Variants in TUBB1 observed in about 807,000 individuals in gnomAD.
The protein encoded by TUBB1 is tubulin beta 1 class VI, also known as tubulin beta-1 chain.
A neutral mutation model predicts 22.6 loss-of-function variants in TUBB1; 28 were observed. That is an observed-to-expected ratio of 1.24 (90% CI 0.92 to 1.70). The LOEUF (loss-of-function observed/expected upper bound fraction) is 1.70, where lower values mean the gene tolerates loss of function less well. TUBB1 is among the 40% of genes most tolerant of loss of function. TUBB1 has a pLI of 0.00. For missense variants in TUBB1, 577 were observed against 605.5 expected, an observed-to-expected ratio of 0.95 and a Z score of 0.49; for synonymous variants, 226 against 238.0, an observed-to-expected ratio of 0.95 and a Z score of 0.46.
chr20:59,021,057 G>GCGTTTTAAAC (rs1450412081), intron 1 of TUBB1, among the ~76,000 whole-genome samples: 1 of 152,186 alleles, frequency 6.6e-6, no homozygotes, highest in African/African-American at 2.4e-5. Flanking sequence ...TTAAATGCAG[G>GCGTTTTAAAC]CGTTTTAAAC....
chr20:59,019,400 G>A (rs896149783), upstream of TUBB1: 3 of 1,126,252 alleles, frequency 2.7e-6, no homozygotes, highest in Admixed American at 1.7e-5. Context: ...AGGGTAGCTT[G>A]GTTGGCCAGT....
chr20:59,025,543 TTAC>T lies in TUBB1; in HGVS notation c.*765_*767del, dbSNP rs1302145652. 1 of 152,280 alleles carries T rather than the reference TTAC, an allele frequency of 6.6e-6. No individual in the cohort carries two copies. Among genetic ancestry groups the T allele is most frequent in the Non-Finnish European group, 1.5e-5 (1 of 68,058 alleles). The allele number at this position is 152,280 out of a possible 1,614,324, so 9.4% of individuals were successfully genotyped here. A position where few individuals can be genotyped will look rare whatever the true frequency, so the allele number is the denominator to read the frequency against. The stretch of plus-strand genomic sequence containing the variant: ...TATATGTTTATATAGTTTAAATTTC[TTAC>T]TACTGTTAGATCCCAGGAATTCATT... On this transcript the variant is annotated 3_prime_UTR_variant, in exon 4 of 4. Transcript: ENST00000217133.
At chr20:59,021,111 T>A (rs1478323316) in intron 1 of TUBB1, among the ~76,000 whole-genome samples, 4 of 152,238 alleles carry the variant, frequency 2.6e-5, no homozygotes, top group Non-Finnish European at 5.9e-5. Context: ...TCACCATTCC[T>A]CCATGCCTCA....
At position 59,019,514 on chromosome 20, in the gene TUBB1, A is replaced by G; in HGVS notation, c.-9A>G. On this transcript the variant is annotated 5_prime_UTR_variant, in exon 1 of 4. Coordinates refer to ENST00000217133, the MANE Select transcript of TUBB1 (RefSeq NM_030773.4). ...CCGTGAAGATCTCAGACTTGGGCTC[A>G]GAGCAAGGATGCGTGAAATTGTCCA... 1 of 1,614,214 alleles carries G rather than the reference A, an allele frequency of 6.2e-7. No individual in the cohort carries two copies. Among genetic ancestry groups the G allele is most frequent in the South Asian group, 1.1e-5 (1 of 91,086 alleles).
upstream of TUBB1, among the ~76,000 whole-genome samples, chr20:59,018,941 G>C (rs556335819): frequency 6.6e-6 from 1 of 152,240 alleles, no homozygotes; most frequent in Non-Finnish European, 1.5e-5. Flanking sequence ...GAGGGCATGT[G>C]GGGGAGGGCG....
In TUBB1 at chr20:59,024,273, A is replaced by G. The variant is rs2091982655; in HGVS notation, c.846A>G (p.Arg282=). 6.8e-6 allele frequency: 11 copies of G among 1,613,850 alleles called. No homozygotes were observed. Among genetic ancestry groups the G allele is most frequent in the African/African-American group, 1.3e-5 (1 of 74,910 alleles). Residue 282 remains arginine (R), a synonymous_variant, in exon 4 of 4, where the codon CGA becomes CGG. Transcript: ENST00000217133. This position sits in a 1 kb window ranked among gnomAD's most constrained non-coding sequence, Gnocchi z 4.9. ...CGGCCCAGGGCAGCCAGCAGTACCG[A>G]GCCCTCTCCGTGGCCGAGCTCACCC... ...PLTAQGSQQY[R]ALSVAELTQQ...
At position 59,023,961 on chromosome 20, in the gene TUBB1, T is replaced by C. The variant is rs163777; in HGVS notation, c.534T>C (p.Thr178=). Residue 178 remains threonine (T), a synonymous_variant, in exon 4 of 4, where the codon ACT becomes ACC. Transcript: ENST00000217133. ...TGCCTTCTCCCAAGGTGTCGGACAC[T>C]GTGGTGGAGCCCTACAACGCGGTTC... The part of the protein sequence containing the change: ...SVMPSPKVSD[T]VVEPYNAVLS... 3 of 1,614,186 alleles carry C rather than the reference T, an allele frequency of 1.9e-6. No homozygotes were observed. Among genetic ancestry groups the C allele is most frequent in the Non-Finnish European group, 2.5e-6 (3 of 1,180,042 alleles).
At position 59,026,505 on chromosome 20, in the gene TUBB1, G is replaced by T. The variant is rs2091995459; in HGVS notation, c.*1722G>T. The T allele has an allele frequency of 6.6e-6, 1 of 152,172 alleles. No individual in the cohort carries two copies. Among genetic ancestry groups the T allele is most frequent in the South Asian group, 2.1e-4 (1 of 4,828 alleles). 9.4% of individuals were successfully genotyped at this position (152,172 alleles called of 1,614,324 possible). A position where few individuals can be genotyped will look rare whatever the true frequency, so the allele number is the denominator to read the frequency against. On this transcript the variant is annotated 3_prime_UTR_variant, in exon 4 of 4. Coordinates refer to ENST00000217133, the MANE Select transcript of TUBB1 (RefSeq NM_030773.4). ...AATGAAATAGATGTAAGGAAGGAGG[G>T]ATTTAAACCTTTTAAAAAACTTTTG...
chr20:59,018,404 G>A (rs1487937293), upstream of TUBB1, among the ~76,000 whole-genome samples: 2 of 151,968 alleles, frequency 1.3e-5, no homozygotes, highest in African/African-American at 4.8e-5. Flanking sequence ...CACCGCATGA[G>A]GGAATGCTTT....
intron 1 of TUBB1, among the ~76,000 whole-genome samples, chr20:59,022,316 CAA>C (rs10590022): frequency 0.031 from 3,196 of 104,304 alleles, 96 homozygotes; most frequent in African/African-American, 0.096. Context: ...AAGACTCCAT[CAA>C]AAAAAAAAAA....
chr20:59,022,966 G>A lies in TUBB1; in HGVS notation c.166+13G>A, dbSNP rs200672312. 3.7e-6 allele frequency: 6 copies of A among 1,609,930 alleles called. No individual in the cohort carries two copies. In the East Asian group the frequency reaches 1.3e-4, roughly 36 times the overall value. On this transcript the variant is annotated intron_variant, in intron 2 of 3. Coordinates refer to ENST00000217133, the MANE Select transcript of TUBB1 (RefSeq NM_030773.4). ...AACGAAGCCTACGGTAGGACTGGCG[G>A]GGCTCTGGGAGCAGTGGTCCCGCAA...
chr20:59,019,113 T>C, upstream of TUBB1: 1 of 238,846 alleles, frequency 4.2e-6, no homozygotes, highest in Non-Finnish European at 8.4e-6. Context: ...TCTGGTTACC[T>C]GGGTGAGCTA....
At chr20:59,019,677 A>G in intron 1 of TUBB1, 98 bp downstream of exon 1, 6 of 1,267,468 alleles carry the variant, frequency 4.7e-6, no homozygotes, top group East Asian at 2.3e-5. Flanking sequence ...CAATAAGTCT[A>G]GCAGATTTAA....
At position 59,025,845 on chromosome 20, in the gene TUBB1, CACT is replaced by C. The variant is rs1159358067; in HGVS notation, c.*1065_*1067del. 1 of 152,218 alleles carries C rather than the reference CACT, an allele frequency of 6.6e-6. No individual in the cohort carries two copies. Among genetic ancestry groups the C allele is most frequent in the Non-Finnish European group, 1.5e-5 (1 of 68,036 alleles). 9.4% of individuals were successfully genotyped at this position (152,218 alleles called of 1,614,324 possible). ...GTTTGCATAATGACATAGCTTTAAG[CACT>C]ACATGATTTTAATCTGCTCACATTA... On this transcript the variant is annotated 3_prime_UTR_variant, in exon 4 of 4. Transcript: ENST00000217133.
rs2091979597 is a variant in TUBB1, at chr20:59,023,829, G to T, written c.402G>T (p.Gln134His). The stretch of plus-strand genomic sequence containing the variant: ...GCTGTGACTGCCTGCAGGGCTTCCA[G>T]ATCGTCCACTCCCTGGGCGGGGGCA... Reference protein sequence around the residue: ...SESCDCLQGFQIVHSLGGGTG... With the variant: ...SESCDCLQGFHIVHSLGGGTG... Residue 134 changes from glutamine to histidine, a missense_variant, in exon 4 of 4, where the codon CAG (glutamine) becomes CAT (histidine). Physicochemically the swap from Gln to His is conservative, Grantham distance 24 (BLOSUM62 0). Transcript: ENST00000217133. The T allele has an allele frequency of 1.2e-6, 2 of 1,614,060 alleles. No individual in the cohort carries two copies. The highest frequency in any genetic ancestry group is 3.3e-5 in the Admixed American group (2 of 60,006).
At chr20:59,017,045 G>A (rs1394172870), upstream of TUBB1, among the ~76,000 whole-genome samples, 1 of 152,152 alleles carries the variant, frequency 6.6e-6, no homozygotes, top group Admixed American at 6.5e-5. Flanking sequence ...CCCTCTCTCC[G>A]TTTATCACGT....
chr20:59,024,490 G>A lies in TUBB1; in HGVS notation c.1063G>A (p.Asp355Asn), dbSNP rs374190153. The A allele has an allele frequency of 2.9e-5, 47 of 1,614,160 alleles. No individual in the cohort carries two copies. The highest frequency in any genetic ancestry group is 3.4e-5 in the Non-Finnish European group (40 of 1,180,036). Residue 355 changes from aspartate to asparagine, a missense_variant, in exon 4 of 4, where the codon GAC becomes AAC. Asp to Asn is a conservative substitution (Grantham distance 23, BLOSUM62 1). Transcript: ENST00000217133. This position sits in a 1 kb window ranked among gnomAD's most constrained non-coding sequence, Gnocchi z 4.9. ...IPNNVKVAVC[D>N]IPPRGLSMAA... Reference sequence around the variant, plus strand: ...CAACAACGTCAAGGTGGCTGTCTGCGACATCCCGCCCCGGGGGCTGAGCAT... The same window carrying A: ...CAACAACGTCAAGGTGGCTGTCTGCAACATCCCGCCCCGGGGGCTGAGCAT...
chr20:59,022,106 G>A (rs985819798), intron 1 of TUBB1, among the ~76,000 whole-genome samples: 11 of 152,172 alleles, frequency 7.2e-5, no homozygotes, highest in African/African-American at 1.7e-4. Flanking sequence ...GAAGGCCAAG[G>A]AGGGTGGATC....
At position 59,024,655 on chromosome 20, in the gene TUBB1, G is replaced by A; in HGVS notation, c.1228G>A (p.Glu410Lys). ...SEGMDINEFG[E>K]AENNIHDLVS... is the part of the protein sequence containing the mutation. Reference sequence around the variant, plus strand: ...AGGGATGGACATAAACGAATTTGGGGAAGCTGAAAATAACATCCATGATTT... The same window carrying A: ...AGGGATGGACATAAACGAATTTGGGAAAGCTGAAAATAACATCCATGATTT... Residue 410 changes from glutamate to lysine, a missense_variant, in exon 4 of 4, where the codon GAA becomes AAA. Coordinates refer to ENST00000217133, the MANE Select transcript of TUBB1 (RefSeq NM_030773.4). This position sits in a 1 kb window ranked among gnomAD's most constrained non-coding sequence, Gnocchi z 4.9. The A allele has an allele frequency of 6.2e-7, 1 of 1,614,188 alleles. No individual in the cohort carries two copies. Among genetic ancestry groups the A allele is most frequent in the Non-Finnish European group, 8.5e-7 (1 of 1,180,048 alleles).
Sources: allele counts gnomAD v4.1 joint callset (sites outside exome capture counted in the v4.1 genomes callset), GRCh38; gene constraint gnomAD v4.1.1; non-coding constraint Gnocchi (gnomAD v3.1); transcripts MANE v1.5; gene names NCBI Gene and HGNC (gene_info 2026-07-23, HGNC 2026-07-21).